HERC2: variants seen among roughly 807,000 people sequenced by gnomAD.
HERC2 encodes E3 ubiquitin-protein ligase HERC2.
HERC2 carries 102 observed loss-of-function variants against 537.7 expected under a neutral mutation model. The observed-to-expected ratio is 0.19, with a 90% confidence interval of 0.16 to 0.22. The LOEUF is 0.22. HERC2 is among the 10% of genes least tolerant of loss of function. The pLI is 1.00. For missense variants in HERC2, 4,236 were observed against 6,198.2 expected (o/e 0.68, Z 10.63); for synonymous variants, 2,224 against 2,466.2 (o/e 0.90, Z 2.91).
At chr15:28,157,705 T>C (rs1169164091) in intron 69 of HERC2, among the ~76,000 whole-genome samples, 3 of 152,208 alleles carry the variant, frequency 2.0e-5, no homozygotes, top group Non-Finnish European at 4.4e-5. Flanking sequence ...CTGGCTTCAT[T>C]GATTTTTTGA....
rs116461479 is a variant in HERC2 at position 28,228,600 on chromosome 15, T to C, written c.5273-191A>G. Among the ~76,000 whole-genome samples the C allele has an allele frequency of 5.1e-3, 773 of 152,238 alleles. 1 individual carries two copies. The highest frequency in any genetic ancestry group is 0.016 in the African/African-American group (659 of 41,550). On this transcript the variant is annotated intron_variant, in intron 34 of 92. Transcript: ENST00000261609. Reference sequence around the variant, plus strand: ...ACTCTAAACATCTGACTAATAAGCATTGACACCCACCTACATTTCTTGTGC... The same window carrying C: ...ACTCTAAACATCTGACTAATAAGCACTGACACCCACCTACATTTCTTGTGC...
rs1897331211 is a variant in HERC2 at position 28,196,219 on chromosome 15, T to C, written c.8256A>G (p.Glu2752=). 3.1e-6 allele frequency: 4 copies of C among 1,273,856 alleles called. No individual in the cohort carries two copies. The East Asian group carries it at 9.3e-5, about 30-fold the overall frequency. 78.9% of individuals were successfully genotyped at this position (1,273,856 alleles called of 1,614,324 possible). A position where few individuals can be genotyped will look rare whatever the true frequency, so the allele number is the denominator to read the frequency against. Residue 2752 remains glutamate, a synonymous_variant, in exon 52 of 93, where the codon GAA becomes GAG. Coordinates refer to ENST00000261609, the MANE Select transcript of HERC2 (RefSeq NM_004667.6). ...AATATAAACATTCTGCCATACCTGG[T>C]TCATTTATTCTGCCAAATGTATGCC... ...NTRHTFGRIN[E]PGQSAVFCGR...
chr15:28,136,846 GAAAC>G (rs1175802907), intron 78 of HERC2, among the ~76,000 whole-genome samples: 5 of 152,156 alleles, frequency 3.3e-5, no homozygotes, highest in African/African-American at 4.8e-5. Flanking sequence ...AAGATATTTT[GAAAC>G]AAACAATCAG....
At position 28,186,742 on chromosome 15, in the gene HERC2, T is replaced by A. The variant is rs367704254; in HGVS notation, c.8660A>T (p.Tyr2887Phe). ...GCACTGCTTTATAGCAATTTCAATATACCTGTGATACTAGACACAAAAACC... is the reference window on the plus strand; with the variant it reads ...GCACTGCTTTATAGCAATTTCAATAAACCTGTGATACTAGACACAAAAACC... ...LLNDCTEYHR[Y>F]IEIAIKQCRS... The change falls in exon 56 of 93, where the codon TAT becomes TTT. Residue 2887 changes from tyrosine (Y) to phenylalanine (F), a missense_variant. Physicochemically the swap from Tyr to Phe is conservative, Grantham distance 22. Transcript: ENST00000261609. The A allele has an allele frequency of 7.4e-6, 12 of 1,612,044 alleles. No individual in the cohort carries two copies. The highest frequency in any genetic ancestry group is 9.3e-6 in the Non-Finnish European group (11 of 1,178,304).
At chr15:28,284,128 T>G (rs749430030) in intron 4 of HERC2, among the ~76,000 whole-genome samples, 10 of 152,214 alleles carry the variant, frequency 6.6e-5, no homozygotes, top group African/African-American at 2.4e-4. Context: ...GGGGGCATCA[T>G]GCTGGAGTGC....
Position 28,274,956 on chromosome 15 carries a change from G to A in HERC2, c.592C>T (p.Arg198Ter), listed in dbSNP as rs1190651457. 6.2e-7 allele frequency: 1 copy of A among 1,610,192 alleles called. No individual in the cohort carries two copies. Among genetic ancestry groups the A allele is most frequent in the Non-Finnish European group, 8.5e-7 (1 of 1,179,952 alleles). ...GCAAAGGCAAAAGACAGCGCCGCTC[G>A]GGATCCCACTCTGGCGAGCCCCTCC... Reference protein sequence around the residue: ...GVEGLARVGSRAALSFAFAFL... With the variant: ...GVEGLARVGS The change falls in exon 6 of 93, where the codon CGA becomes TGA. Residue 198 changes from arginine (R) to a stop codon, truncating the protein, a stop_gained. Coordinates refer to ENST00000261609, the MANE Select transcript of HERC2 (RefSeq NM_004667.6). LOFTEE classifies it high-confidence loss of function.
intron 17 of HERC2, 64 bp downstream of exon 17, chr15:28,256,997 A>G: frequency 7.1e-7 from 1 of 1,412,442 alleles, no homozygotes; most frequent in South Asian, 1.2e-5. Flanking sequence ...CAAAATACAT[A>G]AACCTTCTTA....
intron 63 of HERC2, 54 bp from the exon 64 acceptor site, chr15:28,175,710 T>C (rs949336046): frequency 1.8e-5 from 29 of 1,573,588 alleles, no homozygotes; most frequent in Non-Finnish European, 2.5e-5. Flanking sequence ...CTGACAATGC[T>C]ATACAAGAAG....
intron 2 of HERC2, among the ~76,000 whole-genome samples, chr15:28,309,053 T>C (rs1387854590): frequency 1.3e-5 from 2 of 152,270 alleles, no homozygotes; most frequent in East Asian, 3.8e-4. Flanking sequence ...GTTTGAATTT[T>C]TAATGACTTA....
chr15:28,263,719 T>G (rs2075476289), intron 14 of HERC2, among the ~76,000 whole-genome samples: 1 of 152,148 alleles, frequency 6.6e-6, no homozygotes, highest in African/African-American at 2.4e-5. Context: ...TGCAAAAACT[T>G]AAAGTGAATT....
At chr15:28,128,109 T>C (rs1417600150) in intron 83 of HERC2, among the ~76,000 whole-genome samples, 3 of 151,864 alleles carry the variant, frequency 2.0e-5, no homozygotes, top group East Asian at 1.9e-4. Flanking sequence ...TCGCAAAAAA[T>C]CCAAACAGAA....
intron 90 of HERC2, among the ~76,000 whole-genome samples, chr15:28,114,111 G>A (rs563398180): frequency 5.3e-5 from 8 of 152,204 alleles, no homozygotes; most frequent in Non-Finnish European, 8.8e-5. Flanking sequence ...CCTGCCACAC[G>A]GGGCCTCACC....
chr15:28,116,276 C>G (rs1391679937), intron 88 of HERC2, among the ~76,000 whole-genome samples: 1 of 148,618 alleles, frequency 6.7e-6, no homozygotes, highest in Non-Finnish European at 1.5e-5. Flanking sequence ...TGCAATGGTA[C>G]GATCTCAGCT....
intron 25 of HERC2, among the ~76,000 whole-genome samples, chr15:28,237,647 C>T (rs1176436785): frequency 1.3e-5 from 2 of 152,218 alleles, no homozygotes; most frequent in Non-Finnish European, 2.9e-5. Context: ...CTGTTTTAAG[C>T]CCTGCCCTAA....
intron 86 of HERC2, chr15:28,117,884 C>A: frequency 3.4e-6 from 1 of 292,740 alleles, no homozygotes; most frequent in Admixed American, 4.8e-5. Flanking sequence ...GGCAGGTGGC[C>A]GAGGCTGTGC....
intron 68 of HERC2, among the ~76,000 whole-genome samples, chr15:28,165,309 T>C (rs78640972): frequency 2.0e-5 from 3 of 151,750 alleles, no homozygotes; most frequent in South Asian, 4.2e-4. Flanking sequence ...AGATCGGAGG[T>C]TGGTTATCTA....
chr15:28,281,739 G>A (rs1232698246), intron 4 of HERC2, among the ~76,000 whole-genome samples: 1 of 152,196 alleles, frequency 6.6e-6, no homozygotes, highest in Non-Finnish European at 1.5e-5. Flanking sequence ...GGCTCAAGAT[G>A]GAGAAGTGAA....
At chr15:28,309,859 A>C (rs924243767) in intron 2 of HERC2, among the ~76,000 whole-genome samples, 3 of 152,224 alleles carry the variant, frequency 2.0e-5, no homozygotes, top group African/African-American at 7.2e-5. Flanking sequence ...AGCATCCTTC[A>C]GTTTTTGTAG....
At position 28,265,944 on chromosome 15, in the gene HERC2, G is replaced by A. The variant is rs773773806; in HGVS notation, c.1629C>T (p.Ala543=). 1 of 1,614,052 alleles carries A rather than the reference G, an allele frequency of 6.2e-7. No individual in the cohort carries two copies. The highest frequency in any genetic ancestry group is 2.2e-5 in the East Asian group (1 of 44,864). Residue 543 remains alanine (A), a synonymous_variant, in exon 13 of 93, where the codon GCC becomes GCT. Coordinates refer to ENST00000261609, the MANE Select transcript of HERC2 (RefSeq NM_004667.6). This position sits in a 1 kb window ranked among gnomAD's most constrained non-coding sequence, Gnocchi z 4.0. ...VPLEEPKVIS[A]FSGKQAGKHV... is the part of the protein sequence containing the mutation. ...GCTTCCCGGCCTGCTTTCCAGAGAA[G>A]GCGGAGATCACCTTAGGCTCCTCCA...
Sources: allele counts gnomAD v4.1 joint callset (sites outside exome capture counted in the v4.1 genomes callset), GRCh38; gene constraint gnomAD v4.1.1; non-coding constraint Gnocchi (gnomAD v3.1); transcripts MANE v1.5; gene names NCBI Gene and HGNC (gene_info 2026-07-23, HGNC 2026-07-21).